QTMAN: variants seen among roughly 807,000 people sequenced by gnomAD.
QTMAN encodes queuosine-tRNA mannosyltransferase.
the QTMAN span, among the ~76,000 whole-genome samples, chr2:144,069,090 C>T: frequency 4.3e-4 from 66 of 152,126 alleles, no homozygotes; most frequent in African/African-American, 1.5e-3. Context: ...AAGTGACCAC[C>T]ACAGTTTAAG....
the QTMAN span, among the ~76,000 whole-genome samples, chr2:144,118,827 G>A: frequency 1.3e-5 from 2 of 152,188 alleles, no homozygotes; most frequent in African/African-American, 2.4e-5. Context: ...CTTGCAGTGA[G>A]CCGAGATCGC....
At chr2:144,330,896 C>T in the QTMAN span, among the ~76,000 whole-genome samples, 2 of 152,166 alleles carry the variant, frequency 1.3e-5, no homozygotes, top group Non-Finnish European at 2.9e-5. Flanking sequence ...GTTCCTTAAA[C>T]ATCGAAAATT....
At chr2:144,228,242 C>T in the QTMAN span, among the ~76,000 whole-genome samples, 1 of 151,998 alleles carries the variant, frequency 6.6e-6, no homozygotes, top group Non-Finnish European at 1.5e-5. Flanking sequence ...GCATTTTTAC[C>T]GTTAAAACAG....
At chr2:144,284,960 G>A in the QTMAN span, among the ~76,000 whole-genome samples, 30 of 137,666 alleles carry the variant, frequency 2.2e-4, no homozygotes, top group South Asian at 1.8e-3. Flanking sequence ...TTTTTAATTA[G>A]CTGGATGTAG....
chr2:144,021,982 A>G, the QTMAN span, among the ~76,000 whole-genome samples: 8 of 152,112 alleles, frequency 5.3e-5, no homozygotes, highest in Admixed American at 2.0e-4. Flanking sequence ...CAAGATAAGA[A>G]ATTACTACAA....
At chr2:144,327,892 T>G in the QTMAN span, among the ~76,000 whole-genome samples, 25 of 152,230 alleles carry the variant, frequency 1.6e-4, no homozygotes, top group African/African-American at 5.5e-4. Context: ...GAAACATAAA[T>G]TCTATGGACT....
the QTMAN span, among the ~76,000 whole-genome samples, chr2:144,112,182 C>G: frequency 6.6e-6 from 1 of 152,174 alleles, no homozygotes; most frequent in African/African-American, 2.4e-5. Flanking sequence ...CACAAAATAT[C>G]TAGAAAGTCT....
the QTMAN span, among the ~76,000 whole-genome samples, chr2:144,108,422 G>A: frequency 1.3e-4 from 20 of 152,112 alleles, no homozygotes; most frequent in Non-Finnish European, 1.9e-4. Flanking sequence ...GGCAGATCCC[G>A]AGGTCAGGAA....
chr2:144,167,070 C>T, the QTMAN span, among the ~76,000 whole-genome samples: 1 of 152,114 alleles, frequency 6.6e-6, no homozygotes, highest in Admixed American at 6.6e-5. Context: ...CTTAGCATTC[C>T]CTTTGTGTTA....
chr2:144,328,237 C>T, the QTMAN span, among the ~76,000 whole-genome samples: 5 of 152,144 alleles, frequency 3.3e-5, 1 homozygote, highest in Admixed American at 3.3e-4. Flanking sequence ...AAGCATGAGC[C>T]ACCACATCTG....
At chr2:144,055,788 G>T in the QTMAN span, among the ~76,000 whole-genome samples, 1 of 152,182 alleles carries the variant, frequency 6.6e-6, no homozygotes, top group Non-Finnish European at 1.5e-5. Context: ...GCTCCCTCTA[G>T]ATCCTGGGGC....
the QTMAN span, among the ~76,000 whole-genome samples, chr2:144,205,806 G>T: frequency 6.6e-6 from 1 of 152,156 alleles, no homozygotes; most frequent in Non-Finnish European, 1.5e-5. Context: ...ATCCTGGAAC[G>T]AATGATTAAC....
At chr2:144,319,872 TA>T in the QTMAN span, 1 of 152,168 alleles carries the variant, frequency 6.6e-6, no homozygotes, top group African/African-American at 2.4e-5. Context: ...GTGTCACCTA[TA>T]AAATAAGACA....
At chr2:144,135,996 G>A in the QTMAN span, among the ~76,000 whole-genome samples, 1 of 151,976 alleles carries the variant, frequency 6.6e-6, no homozygotes, top group Non-Finnish European at 1.5e-5. Context: ...TAGTTGTTAT[G>A]GCTAGTTCTA....
chr2:144,005,366 C>T, the QTMAN span, among the ~76,000 whole-genome samples: 1 of 152,040 alleles, frequency 6.6e-6, no homozygotes, highest in African/African-American at 2.4e-5. Flanking sequence ...AGCTGTGTGT[C>T]AGGCGGGAAC....
chr2:144,134,617 C>G, the QTMAN span, among the ~76,000 whole-genome samples: 4 of 152,050 alleles, frequency 2.6e-5, no homozygotes, highest in South Asian at 8.3e-4. Context: ...GAAATAGGAA[C>G]AGACAGTGAA....
At chr2:144,199,049 CT>C in the QTMAN span, among the ~76,000 whole-genome samples, 1,818 of 141,860 alleles carry the variant, frequency 0.013, 9 homozygotes, top group Middle Eastern at 0.022. Context: ...CTGTACTGTA[CT>C]TTTTTTTTTT....
At chr2:144,139,313 A>G in the QTMAN span, among the ~76,000 whole-genome samples, 1 of 152,084 alleles carries the variant, frequency 6.6e-6, no homozygotes, top group South Asian at 2.1e-4. Flanking sequence ...ATGCCAATAA[A>G]TATGCTAGGT....
the QTMAN span, chr2:143,946,993 C>T: frequency 5.7e-6 from 7 of 1,223,872 alleles, no homozygotes; most frequent in Non-Finnish European, 8.4e-6. Context: ...TATGGGCACA[C>T]TCTGGAAAGT....
Sources: allele counts gnomAD v4.1 joint callset (sites outside exome capture counted in the v4.1 genomes callset), GRCh38; gene constraint gnomAD v4.1.1; transcripts MANE v1.5; gene names NCBI Gene and HGNC (gene_info 2026-07-23, HGNC 2026-07-21).